The following SGCD variants were observed in gnomAD, a reference collection of about 807,000 sequenced individuals.
SGCD encodes the protein delta-sarcoglycan.
A neutral mutation model predicts 36.6 loss-of-function variants in SGCD; 18 were observed. The observed-to-expected ratio is 0.49, with a 90% confidence interval of 0.34 to 0.73. SGCD has a LOEUF of 0.73. SGCD is among the 30% of genes least tolerant of loss of function. The pLI is 0.01. For missense variants in SGCD, 387 were observed against 346.7 expected (o/e 1.12, Z -0.92); for synonymous variants, 133 against 130.6 (o/e 1.02, Z -0.12).
chr5:155,931,541 T>A (rs1220141500), intron 1 of SGCD, among the ~76,000 whole-genome samples: 2 of 152,188 alleles, frequency 1.3e-5, no homozygotes, highest in African/African-American at 4.8e-5. Flanking sequence ...GTTTTTTGTT[T>A]TTTAAGTGCT....
At chr5:155,808,438 A>G in the SGCD span, among the ~76,000 whole-genome samples, 1 of 152,318 alleles carries the variant, frequency 6.6e-6, no homozygotes, top group African/African-American at 2.4e-5. Context: ...AGAAAACACA[A>G]TGAGAGACAG....
chr5:156,354,373 G>A (rs1769401192), intron 3 of SGCD, among the ~76,000 whole-genome samples: 2 of 152,084 alleles, frequency 1.3e-5, no homozygotes. Flanking sequence ...CACTGGAGGG[G>A]AAAGAGGGGA....
intron 3 of SGCD, among the ~76,000 whole-genome samples, chr5:156,278,095 G>A (rs568968707): frequency 6.6e-6 from 1 of 152,260 alleles, no homozygotes; most frequent in East Asian, 1.9e-4. Context: ...ATGAGAAGGA[G>A]CCAATCATGT....
rs745321598 is a variant in SGCD, at chr5:156,757,655, T to C, written c.650T>C (p.Met217Thr). ...GVEINAEAGN[M>T]EATCRTELRL... ...GAAATCAATGCAGAAGCTGGCAATA[T>C]GGAAGCCACCTGCAGGACAGAGCTG... Residue 217 changes from methionine (M) to threonine (T), a missense_variant, in exon 8 of 9, where the codon ATG (methionine) becomes ACG (threonine). Coordinates refer to ENST00000337851, the MANE Select transcript of SGCD (RefSeq NM_000337.6). 1 of 1,610,312 alleles carries C rather than the reference T, an allele frequency of 6.2e-7. No individual in the cohort carries two copies. The highest frequency in any genetic ancestry group is 1.7e-5 in the Admixed American group (1 of 59,512).
At chr5:156,432,952 CA>C (rs1258895337) in intron 3 of SGCD, among the ~76,000 whole-genome samples, 1 of 152,154 alleles carries the variant, frequency 6.6e-6, no homozygotes, top group Non-Finnish European at 1.5e-5. Flanking sequence ...TAATGCCAGG[CA>C]CCTAGCTCCT....
rs78460556 is a variant in SGCD, at chr5:156,727,225, C to G, written c.576-30356C>G. 2.1e-3 allele frequency among the ~76,000 whole-genome samples: 327 copies of G among 152,266 alleles called. 2 individuals carry two copies. The highest frequency in any genetic ancestry group is 7.7e-3 in the African/African-American group (319 of 41,564). ...GCATCAGGGGTGAGGGAGATCCTGA[C>G]TCAACTGACCCAACAGGATTCTTGC... is the stretch of plus-strand genomic sequence containing the variant. On this transcript the variant is annotated intron_variant, in intron 7 of 8. Coordinates refer to ENST00000337851, the MANE Select transcript of SGCD (RefSeq NM_000337.6).
chr5:155,764,184 A>G, the SGCD span, among the ~76,000 whole-genome samples: 2 of 152,196 alleles, frequency 1.3e-5, no homozygotes, highest in African/African-American at 4.8e-5. Flanking sequence ...TATGCAAAAG[A>G]TAATTCCAGA....
intron 7 of SGCD, among the ~76,000 whole-genome samples, chr5:156,719,267 T>C (rs1314895367): frequency 6.6e-6 from 1 of 152,036 alleles, no homozygotes; most frequent in Non-Finnish European, 1.5e-5. Flanking sequence ...GGGAAGTCAG[T>C]CTTGTTCTAT....
chr5:155,738,511 C>A, the SGCD span, among the ~76,000 whole-genome samples: 1 of 152,136 alleles, frequency 6.6e-6, no homozygotes, highest in Non-Finnish European at 1.5e-5. Flanking sequence ...TGAGCTGCCT[C>A]ATTATTTTTC....
intron 3 of SGCD, among the ~76,000 whole-genome samples, chr5:156,410,843 C>T (rs143131387): frequency 1.3e-5 from 2 of 152,152 alleles, no homozygotes; most frequent in East Asian, 1.9e-4. Flanking sequence ...TGCTGTTTTT[C>T]CCACTCCTCT....
chr5:156,211,846 T>G (rs1451892217), intron 3 of SGCD, among the ~76,000 whole-genome samples: 1 of 152,134 alleles, frequency 6.6e-6, no homozygotes, highest in Non-Finnish European at 1.5e-5. Flanking sequence ...AACAACTAAA[T>G]TCTGACACCG....
chr5:156,639,632 A>G (rs1762954377), intron 6 of SGCD, among the ~76,000 whole-genome samples: 1 of 152,188 alleles, frequency 6.6e-6, no homozygotes. Context: ...TTGTGCCCAC[A>G]ACAGTCTGCC....
chr5:156,326,721 G>C (rs1016896044), upstream of SGCD: 7 of 152,582 alleles, frequency 4.6e-5, no homozygotes, highest in African/African-American at 1.4e-4. Context: ...CAAGTGTAAG[G>C]AGCAAGTGAA....
At chr5:155,871,065 A>T (rs958548640) in intron 1 of SGCD, among the ~76,000 whole-genome samples, 3 of 151,988 alleles carry the variant, frequency 2.0e-5, no homozygotes, top group African/African-American at 7.3e-5. Flanking sequence ...ACTTTTCTGT[A>T]GAGAGACTTG....
chr5:156,159,665 A>T (rs1369294413), intron 3 of SGCD, among the ~76,000 whole-genome samples: 1 of 151,712 alleles, frequency 6.6e-6, no homozygotes, highest in Non-Finnish European at 1.5e-5. Flanking sequence ...AAAATTCATG[A>T]AATATAGAAA....
chr5:156,003,944 A>T (rs370204826), intron 1 of SGCD, among the ~76,000 whole-genome samples: 1 of 152,222 alleles, frequency 6.6e-6, no homozygotes, highest in Non-Finnish European at 1.5e-5. Flanking sequence ...TAGTCACTAT[A>T]TCAGGAACAA....
intron 3 of SGCD, among the ~76,000 whole-genome samples, chr5:156,126,475 G>A (rs1172842938): frequency 1.3e-5 from 2 of 152,156 alleles, no homozygotes; most frequent in African/African-American, 4.8e-5. Flanking sequence ...GATTGTTGAC[G>A]GAGGATGCAG....
chr5:156,410,971 T>C (rs1772715486), intron 3 of SGCD, among the ~76,000 whole-genome samples: 1 of 152,220 alleles, frequency 6.6e-6, no homozygotes, highest in Admixed American at 6.5e-5. Flanking sequence ...GACCTTATTA[T>C]ACTAGTCTGT....
intron 1 of SGCD, among the ~76,000 whole-genome samples, chr5:155,938,518 G>A (rs1757262154): frequency 6.6e-6 from 1 of 152,132 alleles, no homozygotes; most frequent in Non-Finnish European, 1.5e-5. Context: ...TTTTCCATTG[G>A]CCTGGGTATC....
Sources: allele counts gnomAD v4.1 joint callset (sites outside exome capture counted in the v4.1 genomes callset), GRCh38; gene constraint gnomAD v4.1.1; transcripts MANE v1.5; gene names NCBI Gene and HGNC (gene_info 2026-07-23, HGNC 2026-07-21).